The following RIMS2 variants were observed in gnomAD, a reference collection of about 807,000 sequenced individuals.
The protein encoded by RIMS2 is regulating synaptic membrane exocytosis protein 2.
Under a neutral mutation model 174.4 loss-of-function variants are expected in RIMS2, and 59 were observed. That is an observed-to-expected ratio of 0.34 (90% CI 0.27 to 0.42). RIMS2 has a LOEUF of 0.42. Among genes scored for constraint, RIMS2 ranks in the 10% least tolerant of loss-of-function variants. RIMS2 has a pLI of 1.00. For synonymous variants in RIMS2, 606 were observed against 572.5 expected (o/e 1.06, Z -0.84); for missense variants, 1,620 against 1,666.3 (o/e 0.97, Z 0.48).
intron 19 of RIMS2, among the ~76,000 whole-genome samples, chr8:104,216,353 TGG>T (rs2099129670): frequency 6.6e-6 from 1 of 152,200 alleles, no homozygotes; most frequent in South Asian, 2.1e-4. Context: ...CTTATTATCA[TGG>T]TCAACAGTTC....
rs1233037074 is a variant in RIMS2, at chr8:103,513,870, T to A, written c.176+12808T>A. The stretch of plus-strand genomic sequence containing the variant: ...TGCTACTTGTAGGATTTTACATAGA[T>A]CAATATTGGGGTCTTTATTGATCCC... On this transcript the variant is annotated intron_variant, in intron 1 of 23. Transcript: ENST00000504942. 3.9e-5 allele frequency among the ~76,000 whole-genome samples: 6 copies of A among 152,306 alleles called. No homozygotes were observed. In the South Asian group the frequency reaches 1.2e-3, roughly 32 times the overall value.
intron 3 of RIMS2, among the ~76,000 whole-genome samples, chr8:103,853,720 A>C (rs1478245121): frequency 1.3e-5 from 2 of 151,606 alleles, no homozygotes; most frequent in Non-Finnish European, 2.9e-5. Context: ...TCTGAGTTTT[A>C]TTTTCTGTTC....
rs141714502 is a variant in RIMS2, at chr8:103,507,139, G to A, written c.176+6077G>A. 6.1e-4 allele frequency among the ~76,000 whole-genome samples: 93 copies of A among 152,000 alleles called. 4 individuals carry two copies. The South Asian group carries it at 0.018, about 29-fold the overall frequency. ...AGCTTAGAATGCTGATCTTCACATCGCCCCTCAAATACACTTAAGCTTTGT... is the reference window on the plus strand; with the variant it reads ...AGCTTAGAATGCTGATCTTCACATCACCCCTCAAATACACTTAAGCTTTGT... On this transcript the variant is annotated intron_variant, in intron 1 of 23. Coordinates refer to ENST00000504942, the Ensembl canonical transcript of RIMS2.
chr8:104,133,946 T>A (rs2098495680), intron 19 of RIMS2, among the ~76,000 whole-genome samples: 1 of 152,160 alleles, frequency 6.6e-6, no homozygotes, highest in Non-Finnish European at 1.5e-5. Context: ...CTGTGTAACA[T>A]CTGAGTGCTT....
chr8:104,220,341 G>C (rs1447285684), intron 19 of RIMS2, among the ~76,000 whole-genome samples: 1 of 152,114 alleles, frequency 6.6e-6, no homozygotes, highest in Non-Finnish European at 1.5e-5. Flanking sequence ...GGGAAGTGGT[G>C]GTCATGTAGT....
chr8:103,729,949 G>C (rs926751898), intron 2 of RIMS2, among the ~76,000 whole-genome samples: 32 of 152,144 alleles, frequency 2.1e-4, no homozygotes, highest in African/African-American at 7.5e-4. Context: ...TTAAAGACTT[G>C]TTTTGTGGCC....
At chr8:104,048,647 A>G (rs538062230) in intron 19 of RIMS2, among the ~76,000 whole-genome samples, 1 of 152,306 alleles carries the variant, frequency 6.6e-6, no homozygotes, top group East Asian at 1.9e-4. Context: ...AATATTAAAT[A>G]ATGGGGCAAT....
rs1834270403 is a variant in RIMS2, at chr8:103,526,842, A to G, written c.176+25780A>G. 2.0e-5 allele frequency among the ~76,000 whole-genome samples: 3 copies of G among 152,214 alleles called. 1 individual carries two copies. The South Asian group carries it at 6.2e-4, about 31-fold the overall frequency. On this transcript the variant is annotated intron_variant, in intron 1 of 23. Coordinates refer to ENST00000504942, the Ensembl canonical transcript of RIMS2. ...AGAAGGAGAGTGCAAGAGACCAAAT[A>G]TTTGAAGAAATAATGGCTGAGAACT...
chr8:103,938,198 C>CT (rs1292368341), intron 13 of RIMS2, among the ~76,000 whole-genome samples: 1 of 152,090 alleles, frequency 6.6e-6, no homozygotes, highest in Non-Finnish European at 1.5e-5. Context: ...TCACTTTCAG[C>CT]TTTTTTCAGT....
chr8:103,832,279 T>C (rs1234261545), intron 3 of RIMS2, among the ~76,000 whole-genome samples: 1 of 152,216 alleles, frequency 6.6e-6, no homozygotes, highest in Non-Finnish European at 1.5e-5. Context: ...ATATAATTAT[T>C]GATATATTTG....
chr8:103,801,234 G>C (rs915692157), intron 3 of RIMS2, among the ~76,000 whole-genome samples: 7 of 152,030 alleles, frequency 4.6e-5, no homozygotes, highest in African/African-American at 1.7e-4. Flanking sequence ...CAATCCTCCC[G>C]CCTCCGCCTC....
intron 19 of RIMS2, among the ~76,000 whole-genome samples, chr8:104,228,024 CTTTTTT>C: frequency 7.5e-6 from 1 of 133,586 alleles, no homozygotes. Context: ...TGTTTCTTTT[CTTTTTT>C]TTTTTTTTTT....
intron 19 of RIMS2, among the ~76,000 whole-genome samples, chr8:104,133,101 A>G (rs1344069): frequency 0.15 from 22,872 of 152,196 alleles, 2,287 homozygotes; most frequent in Non-Finnish European, 0.22. Context: ...GGGTTCAAAT[A>G]CTAGCAATGA....
intron 16 of RIMS2, among the ~76,000 whole-genome samples, chr8:103,987,572 A>G (rs781150217): frequency 9.2e-5 from 14 of 152,190 alleles, no homozygotes; most frequent in Non-Finnish European, 1.9e-4. Flanking sequence ...AATAGCAGAA[A>G]TAAGAGATGG....
At chr8:103,699,073 G>A (rs2097139632) in intron 2 of RIMS2, among the ~76,000 whole-genome samples, 1 of 152,136 alleles carries the variant, frequency 6.6e-6, no homozygotes, top group Non-Finnish European at 1.5e-5. Flanking sequence ...AGGTTTCATT[G>A]TTATATCTTA....
intron 2 of RIMS2, among the ~76,000 whole-genome samples, chr8:103,731,654 A>T (rs993028316): frequency 1.3e-5 from 2 of 151,948 alleles, no homozygotes; most frequent in Non-Finnish European, 2.9e-5. Flanking sequence ...TTTGTCTCCT[A>T]TCACTGTGTT....
At chr8:104,122,509 GCTC>G (rs937972750) in intron 19 of RIMS2, among the ~76,000 whole-genome samples, 13 of 152,100 alleles carry the variant, frequency 8.5e-5, no homozygotes, top group African/African-American at 3.1e-4. Flanking sequence ...TGACATCAGT[GCTC>G]CTATTTTGGG....
intron 2 of RIMS2, among the ~76,000 whole-genome samples, chr8:103,755,338 T>G (rs1270914529): frequency 6.6e-6 from 1 of 152,148 alleles, no homozygotes; most frequent in Admixed American, 6.5e-5. Context: ...GTAACCTGCC[T>G]TTTCTCTCTG....
intron 3 of RIMS2, among the ~76,000 whole-genome samples, chr8:103,779,511 A>T (rs1348754627): frequency 6.6e-6 from 1 of 151,576 alleles, no homozygotes; most frequent in Non-Finnish European, 1.5e-5. Context: ...CTATCCTTTC[A>T]CCCTATGAAT....
Sources: gnomAD v4.1 joint callset for allele counts (sites outside exome capture counted in the v4.1 genomes callset) on GRCh38, gnomAD v4.1.1 for gene constraint, MANE v1.5 for transcripts, NCBI Gene and HGNC (gene_info 2026-07-23, HGNC 2026-07-21) for gene names.